HEMGN: variants seen among roughly 807,000 people sequenced by gnomAD.
HEMGN encodes hemogen, also known as erythroid differentiation-associated gene protein.
HEMGN carries 32 observed loss-of-function variants against 45.7 expected under a neutral mutation model. That is an observed-to-expected ratio of 0.70 (90% CI 0.53 to 0.94). The LOEUF is 0.94. HEMGN is among the 40% of genes least tolerant of loss of function. HEMGN has a pLI of 0.00. For synonymous variants in HEMGN, 183 were observed against 178.6 expected (o/e 1.02, Z -0.20); for missense variants, 530 against 564.2 (o/e 0.94, Z 0.61).
chr9:97,937,408 C>T (rs184419019), intron 1 of HEMGN, among the ~76,000 whole-genome samples: 65 of 152,132 alleles, frequency 4.3e-4, no homozygotes, highest in African/African-American at 1.3e-3. Context: ...ATAAAGAAAT[C>T]ACATATTTTT....
At chr9:97,942,229 G>A (rs575079556), upstream of HEMGN, among the ~76,000 whole-genome samples, 3 of 151,286 alleles carry the variant, frequency 2.0e-5, no homozygotes, top group Admixed American at 1.3e-4. Flanking sequence ...CTGGTAGTTC[G>A]CACCAGAAGC....
intron 3 of HEMGN, among the ~76,000 whole-genome samples, chr9:97,928,262 G>A (rs571661655): frequency 6.8e-4 from 103 of 152,226 alleles, no homozygotes; most frequent in African/African-American, 2.4e-3. Context: ...TCCTGACCTC[G>A]TGATCCGCCC....
intron 2 of HEMGN, among the ~76,000 whole-genome samples, chr9:97,933,436 C>A (rs1407999461): frequency 6.6e-6 from 1 of 151,984 alleles, no homozygotes; most frequent in Non-Finnish European, 1.5e-5. Flanking sequence ...AGTAACTTGC[C>A]CAACACTTGT....
Position 97,930,602 on chromosome 9 carries a change from C to T in HEMGN, c.793G>A (p.Asp265Asn). 6.2e-7 allele frequency: 1 copy of T among 1,614,158 alleles called. No homozygotes were observed. Among genetic ancestry groups the T allele is most frequent in the Non-Finnish European group, 8.5e-7 (1 of 1,180,030 alleles). ...TCAAGAATATAGCCTTTAGGCACAT[C>T]TGGTTTTGGATATGCTTGAAGAGAG... ...GCSLQAYPKP[D>N]VPKGYILDTD... The change falls in exon 3 of 4, where the codon GAT (aspartate) becomes AAT (asparagine). Residue 265 changes from aspartate to asparagine, a missense_variant. Physicochemically the swap from Asp to Asn is conservative, Grantham distance 23. Coordinates refer to ENST00000616898, the MANE Select transcript of HEMGN (RefSeq NM_197978.3).
chr9:97,935,241 C>G (rs1458216630), intron 2 of HEMGN, among the ~76,000 whole-genome samples: 2 of 152,166 alleles, frequency 1.3e-5, no homozygotes, highest in Non-Finnish European at 2.9e-5. Flanking sequence ...ACAGACAGTG[C>G]TCAGTCCACA....
In HEMGN at chr9:97,930,762, A is replaced by G. The variant is rs1826932668; in HGVS notation, c.633T>C (p.Ile211=). The part of the protein sequence containing the change: ...SPNTCQVISV[I]QDHPFKMYQD... The stretch of plus-strand genomic sequence containing the variant: ...GGTACATTTTGAAAGGATGGTCTTG[A>G]ATTACAGATATTACTTGGCATGTGT... The change falls in exon 3 of 4, where the codon ATT becomes ATC. Residue 211 remains isoleucine (I), a synonymous_variant. Coordinates refer to ENST00000616898, the MANE Select transcript of HEMGN (RefSeq NM_197978.3). The G allele has an allele frequency of 1.9e-6, 3 of 1,613,994 alleles. No individual in the cohort carries two copies. Among genetic ancestry groups the G allele is most frequent in the Non-Finnish European group, 2.5e-6 (3 of 1,179,990 alleles).
chr9:97,940,849 T>C (rs1363333544), upstream of HEMGN, among the ~76,000 whole-genome samples: 1 of 152,154 alleles, frequency 6.6e-6, no homozygotes, highest in Non-Finnish European at 1.5e-5. Flanking sequence ...CACTCCCTGC[T>C]TCATGAACAT....
In HEMGN at chr9:97,930,081, A is replaced by G; in HGVS notation, c.1314T>C (p.Pro438=). The G allele has an allele frequency of 1.2e-6, 2 of 1,614,078 alleles. No individual in the cohort carries two copies. Among genetic ancestry groups the G allele is most frequent in the Non-Finnish European group, 1.7e-6 (2 of 1,180,004 alleles). Residue 438 remains proline, a synonymous_variant, in exon 3 of 4, where the codon CCT becomes CCC. Transcript: ENST00000616898. ...CTTTAGCATCTTCCTGGTGTGCTTT[A>G]GGATCCTGGCCTTGGGGCCCACCTG... ...QETGGPQGQD[P]KAHQEDAKDA... is the part of the protein sequence containing the mutation.
At position 97,927,465 on chromosome 9, in the gene HEMGN, T is replaced by C. The variant is rs1336862612; in HGVS notation, c.1374A>G (p.Lys458=). The change falls in exon 4 of 4, where the codon AAA becomes AAG. Residue 458 remains lysine, a synonymous_variant. Transcript: ENST00000616898. The part of the protein sequence containing the change: ...AYTFPQEMKE[K]PKEEPGIPAI... Reference sequence around the variant, plus strand: ...CTGGTATTCCTGGCTCTTCTTTGGGTTTTTCTTTCATTTCTGTAAAATCAA... The same window carrying C: ...CTGGTATTCCTGGCTCTTCTTTGGGCTTTTCTTTCATTTCTGTAAAATCAA... The C allele has an allele frequency of 3.1e-6, 5 of 1,602,380 alleles. No individual in the cohort carries two copies. The African/African-American group carries it at 4.0e-5, about 13-fold the overall frequency.
In HEMGN at chr9:97,944,282, C is replaced by G. The variant is rs138073114; in HGVS notation, c.-56+486G>C. Among the ~76,000 whole-genome samples, 9 of 152,336 alleles carry G rather than the reference C, an allele frequency of 5.9e-5. No individual in the cohort carries two copies. The East Asian group carries it at 1.7e-3, about 29-fold the overall frequency. Reference sequence around the variant, plus strand: ...AGCAAATATATGTTCCCCCCTAAAACTAGGCTCCCTGTGCTTTATTTCTGT... The same window carrying G: ...AGCAAATATATGTTCCCCCCTAAAAGTAGGCTCCCTGTGCTTTATTTCTGT... On this transcript the variant is annotated intron_variant, in intron 1 of 4. Transcript: ENST00000259456.
At position 97,938,067 on chromosome 9, in the gene HEMGN, G is replaced by A. The variant is rs751190041; in HGVS notation, c.70C>T (p.His24Tyr). 2 of 1,603,356 alleles carry A rather than the reference G, an allele frequency of 1.2e-6. No individual in the cohort carries two copies. The highest frequency in any genetic ancestry group is 1.7e-6 in the Non-Finnish European group (2 of 1,172,880). The change falls in exon 1 of 4, where the codon CAT becomes TAT. Residue 24 changes from histidine (H) to tyrosine (Y), a missense_variant. Physicochemically the swap from His to Tyr is moderately conservative, Grantham distance 83 (BLOSUM62 2). Coordinates refer to ENST00000616898, the MANE Select transcript of HEMGN (RefSeq NM_197978.3). Reference sequence around the variant, plus strand: ...AGGTATTTTTCATTACCTGGAGAATGGTTCTCTTCTTGATGAGGGTCAGGT... The same window carrying A: ...AGGTATTTTTCATTACCTGGAGAATAGTTCTCTTCTTGATGAGGGTCAGGT... ...QTPDPHQEEN[H>Y]SPEVIGTWSL...
chr9:97,938,105 T>G lies in HEMGN; in HGVS notation c.32A>C (p.Lys11Thr), dbSNP rs777726572. 6.2e-7 allele frequency: 1 copy of G among 1,613,194 alleles called. No individual in the cohort carries two copies. The highest frequency in any genetic ancestry group is 1.3e-5 in the African/African-American group (1 of 74,832). MDLGKDQSHL[K>T]HHQTPDPHQE... ...ATGAGGGTCAGGTGTCTGATGGTGC[T>G]TCAAATGAGATTGGTCCTTTCCCAA... The change falls in exon 1 of 4, where the codon AAG (lysine) becomes ACG (threonine). Residue 11 changes from lysine (K) to threonine (T), a missense_variant. Coordinates refer to ENST00000616898, the MANE Select transcript of HEMGN (RefSeq NM_197978.3).
intron 3 of HEMGN, among the ~76,000 whole-genome samples, chr9:97,927,684 T>C (rs2131550507): frequency 6.6e-6 from 1 of 152,100 alleles, no homozygotes; most frequent in South Asian, 2.1e-4. Flanking sequence ...CCAGAAACCA[T>C]AAAGGAAAAG....
At chr9:97,943,183 G>T (rs1282305066) in intron 1 of HEMGN, among the ~76,000 whole-genome samples, 2 of 152,146 alleles carry the variant, frequency 1.3e-5, no homozygotes, top group African/African-American at 4.8e-5. Context: ...GAAAAACACG[G>T]CAGATATAAG....
chr9:97,943,505 A>G (rs1827180804), intron 1 of HEMGN, among the ~76,000 whole-genome samples: 1 of 152,204 alleles, frequency 6.6e-6, no homozygotes, highest in African/African-American at 2.4e-5. Flanking sequence ...ACATATAGAT[A>G]ACATGTTCTA....
upstream of HEMGN, among the ~76,000 whole-genome samples, chr9:97,941,641 C>A (rs575601497): frequency 6.6e-6 from 1 of 152,196 alleles, no homozygotes; most frequent in African/African-American, 2.4e-5. Flanking sequence ...TTGTGAACAA[C>A]TGGAAGGATG....
upstream of HEMGN, among the ~76,000 whole-genome samples, chr9:97,943,073 C>A (rs573723526): frequency 8.7e-4 from 132 of 152,304 alleles, no homozygotes; most frequent in Non-Finnish European, 1.3e-3. Context: ...TCACTTAATT[C>A]TTTCTGATCC....
chr9:97,928,067 C>A (rs1230579245), intron 3 of HEMGN, among the ~76,000 whole-genome samples: 1 of 149,124 alleles, frequency 6.7e-6, no homozygotes, highest in Non-Finnish European at 1.5e-5. Flanking sequence ...CGCTCTGTCG[C>A]CCAGGCTGGA....
chr9:97,942,973 T>C (rs1463211398), upstream of HEMGN, among the ~76,000 whole-genome samples: 2 of 152,212 alleles, frequency 1.3e-5, no homozygotes, highest in Non-Finnish European at 2.9e-5. Context: ...AGAGCCATAC[T>C]GTGAAGACCA....
Sources: gnomAD v4.1 joint callset for allele counts (sites outside exome capture counted in the v4.1 genomes callset) on GRCh38, gnomAD v4.1.1 for gene constraint, MANE v1.5 for transcripts, NCBI Gene and HGNC (gene_info 2026-07-23, HGNC 2026-07-21) for gene names.